The following CLASP1 variants were observed in gnomAD, a reference collection of about 807,000 sequenced individuals.
CLASP1 encodes cytoplasmic linker associated protein 1, also known as CLIP-associating protein 1.
A neutral mutation model predicts 192.3 loss-of-function variants in CLASP1; 38 were observed. That is an observed-to-expected ratio of 0.20 (90% CI 0.15 to 0.26). The LOEUF (loss-of-function observed/expected upper bound fraction) is 0.26, where lower values mean the gene tolerates loss of function less well. CLASP1 is among the 10% of genes least tolerant of loss of function. The pLI, the probability that CLASP1 is intolerant of heterozygous loss-of-function variation, is 1.00. For missense variants in CLASP1, 1,433 were observed against 1,932.5 expected (o/e 0.74, Z 4.85); for synonymous variants, 691 against 712.8 (o/e 0.97, Z 0.49).
intron 25 of CLASP1, among the ~76,000 whole-genome samples, chr2:121,406,989 A>G (rs1292888392): frequency 6.6e-6 from 1 of 152,182 alleles, no homozygotes; most frequent in Non-Finnish European, 1.5e-5. Context: ...GGGCAAAGGC[A>G]GCCAGATCAC....
intron 33 of CLASP1, among the ~76,000 whole-genome samples, chr2:121,381,193 A>G (rs966222675): frequency 1.3e-5 from 2 of 152,220 alleles, no homozygotes; most frequent in African/African-American, 4.8e-5. Flanking sequence ...TGTTGTTAAA[A>G]TATTTCATTT....
At chr2:121,572,366 T>A (rs372490217) in intron 2 of CLASP1, among the ~76,000 whole-genome samples, 1 of 152,306 alleles carries the variant, frequency 6.6e-6, no homozygotes, top group African/African-American at 2.4e-5. Flanking sequence ...ACGCGGAGAT[T>A]GCAGTGAGCC....
rs561488571 is a variant in CLASP1 at position 121,470,798 on chromosome 2, A to G, written c.713-838T>C. On this transcript the variant is annotated intron_variant, in intron 8 of 39. Coordinates refer to ENST00000263710, the Ensembl canonical transcript of CLASP1. Reference sequence around the variant, plus strand: ...AATGTACATTTCTCCTAGAAGTTCAAAGAAGTACTCATCCTTCCACACCAT... The same window carrying G: ...AATGTACATTTCTCCTAGAAGTTCAGAGAAGTACTCATCCTTCCACACCAT... 20 of 307,508 alleles carry G rather than the reference A, an allele frequency of 6.5e-5. 1 individual carries two copies. Among genetic ancestry groups the G allele is most frequent in the South Asian group, 5.9e-4 (20 of 34,176 alleles). 19.0% of individuals were successfully genotyped at this position (307,508 alleles called of 1,614,324 possible).
intron 8 of CLASP1, among the ~76,000 whole-genome samples, chr2:121,471,100 T>G (rs752588377): frequency 2.0e-5 from 3 of 152,112 alleles, no homozygotes; most frequent in African/African-American, 7.2e-5. Flanking sequence ...CTGGGCAACA[T>G]AGCAAGATCC....
chr2:121,522,891 T>C (rs114337384), intron 6 of CLASP1, among the ~76,000 whole-genome samples: 2,189 of 152,332 alleles, frequency 0.014, 51 homozygotes, highest in African/African-American at 0.049. Flanking sequence ...TGGCACATGG[T>C]AGGTGCATGA....
intron 1 of CLASP1, among the ~76,000 whole-genome samples, chr2:121,632,965 GGTGTGT>G (rs71398037): frequency 7.3e-6 from 1 of 137,840 alleles, no homozygotes; most frequent in Non-Finnish European, 1.5e-5. Flanking sequence ...AACAGAGGGA[GGTGTGT>G]GTGTGTGTGT....
At chr2:121,599,671 T>C (rs2063571800) in intron 2 of CLASP1, among the ~76,000 whole-genome samples, 1 of 150,012 alleles carries the variant, frequency 6.7e-6, no homozygotes, top group African/African-American at 2.5e-5. Context: ...ATCCCAGCAT[T>C]TTGAGAGGCC....
intron 1 of CLASP1, among the ~76,000 whole-genome samples, chr2:121,634,115 G>A (rs2070349166): frequency 1.3e-5 from 2 of 151,972 alleles, no homozygotes. Context: ...CCCAACCCCA[G>A]CTTAGGATCC....
intron 37 of CLASP1, 45 bp from the exon 39 acceptor site, chr2:121,348,763 T>A (rs754188528): frequency 8.1e-6 from 12 of 1,482,396 alleles, no homozygotes; most frequent in African/African-American, 4.2e-5. Flanking sequence ...ACATGCCACA[T>A]GAAGCGAAAG....
At chr2:121,480,971 C>A (rs1166519208) in intron 8 of CLASP1, among the ~76,000 whole-genome samples, 4 of 152,232 alleles carry the variant, frequency 2.6e-5, no homozygotes, top group East Asian at 1.9e-4. Context: ...GCCTGGCATG[C>A]GTCCAAAGGA....
At chr2:121,480,053 A>G (rs1391964428) in intron 8 of CLASP1, among the ~76,000 whole-genome samples, 1 of 152,208 alleles carries the variant, frequency 6.6e-6, no homozygotes, top group Non-Finnish European at 1.5e-5. Flanking sequence ...GCTTGCTGCC[A>G]AAAAGCTGGG....
chr2:121,474,749 A>T (rs557956382), intron 8 of CLASP1, among the ~76,000 whole-genome samples: 1 of 152,052 alleles, frequency 6.6e-6, no homozygotes, highest in Non-Finnish European at 1.5e-5. Flanking sequence ...TAAAAAAGAG[A>T]AGGAGGAAAG....
At chr2:121,464,376 GGGTCAAAT>G (rs1398567590) in intron 9 of CLASP1, among the ~76,000 whole-genome samples, 1 of 152,054 alleles carries the variant, frequency 6.6e-6, no homozygotes, top group Admixed American at 6.6e-5. Context: ...TGGGATGGCT[GGGTCAAAT>G]GGTATTTCTA....
chr2:121,614,487 C>T (rs1359775409), intron 1 of CLASP1, among the ~76,000 whole-genome samples: 1 of 152,024 alleles, frequency 6.6e-6, no homozygotes, highest in African/African-American at 2.4e-5. Context: ...CAGAGTGAGA[C>T]TCTGTCTCAA....
chr2:121,399,879 T>C (rs1422199129), intron 28 of CLASP1, among the ~76,000 whole-genome samples: 1 of 152,248 alleles, frequency 6.6e-6, no homozygotes, highest in East Asian at 1.9e-4. Context: ...ACATGTGTTT[T>C]ATTTGGCCTT....
intron 2 of CLASP1, among the ~76,000 whole-genome samples, chr2:121,593,448 C>T (rs543037853): frequency 6.6e-6 from 1 of 151,582 alleles, no homozygotes; most frequent in South Asian, 2.1e-4. Context: ...GGTAAAACTC[C>T]GCCTCTACTA....
rs548060406 is a variant in CLASP1, at chr2:121,358,310, A to C, written c.4206+4862T>G. On this transcript the variant is annotated intron_variant, in intron 37 of 39. Coordinates refer to ENST00000263710, the Ensembl canonical transcript of CLASP1. ...ACCTGTATTATCTTGAGGCTGGATG[A>C]AACACAGATAATCACCTAGTCCACT... Among the ~76,000 whole-genome samples, 194 of 152,332 alleles carry C rather than the reference A, an allele frequency of 1.3e-3. 1 individual carries two copies. The highest frequency in any genetic ancestry group is 4.5e-3 in the African/African-American group (187 of 41,574).
At chr2:121,447,427 C>A (rs1275296086) in exon 19 of CLASP1, 1 of 1,565,606 alleles carries the variant, frequency 6.4e-7, no homozygotes, top group South Asian at 1.2e-5. Flanking sequence ...TTGGCACTGG[C>A]TGCTGCGTTC....
chr2:121,646,422 C>G (rs559728664), intron 1 of CLASP1, among the ~76,000 whole-genome samples: 8 of 152,096 alleles, frequency 5.3e-5, no homozygotes, highest in Non-Finnish European at 1.2e-4. Context: ...CTCTTGTTTT[C>G]TAGGAAATCT....
Sources: gnomAD v4.1 joint callset for allele counts (sites outside exome capture counted in the v4.1 genomes callset) on GRCh38, gnomAD v4.1.1 for gene constraint, MANE v1.5 for transcripts, NCBI Gene and HGNC (gene_info 2026-07-23, HGNC 2026-07-21) for gene names.